The following KIAA0825 variants were observed in gnomAD, a reference collection of about 807,000 sequenced individuals.
The protein encoded by KIAA0825 is uncharacterized protein KIAA0825.
A neutral mutation model predicts 147.6 loss-of-function variants in KIAA0825; 119 were observed. That is an observed-to-expected ratio of 0.81 (90% CI 0.69 to 0.94). The LOEUF (loss-of-function observed/expected upper bound fraction) is 0.94. Among genes scored for constraint, KIAA0825 ranks in the 40% least tolerant of loss-of-function variants. The pLI is 0.00. For missense variants in KIAA0825, 1,381 were observed against 1,472.7 expected, an observed-to-expected ratio of 0.94 and a Z score of 1.02; for synonymous variants, 470 against 518.1, an observed-to-expected ratio of 0.91 and a Z score of 1.26.
chr5:94,438,115 G>T (rs1341580243), intron 14 of KIAA0825, among the ~76,000 whole-genome samples: 1 of 152,140 alleles, frequency 6.6e-6, no homozygotes, highest in Non-Finnish European at 1.5e-5. Context: ...TCCGCTTCAG[G>T]GTTTAATTTG....
chr5:94,324,304 C>T (rs1780475266), intron 20 of KIAA0825, among the ~76,000 whole-genome samples: 1 of 151,926 alleles, frequency 6.6e-6, no homozygotes, highest in African/African-American at 2.4e-5. Flanking sequence ...ATTCTCATCC[C>T]TATTAATTTA....
chr5:94,534,226 G>GT (rs1159224370), intron 3 of KIAA0825, among the ~76,000 whole-genome samples: 1 of 152,172 alleles, frequency 6.6e-6, no homozygotes, highest in Non-Finnish European at 1.5e-5. Flanking sequence ...CTACTGCAGT[G>GT]TAAGTGTGGC....
intron 2 of KIAA0825, among the ~76,000 whole-genome samples, chr5:94,541,756 T>G (rs1168679649): frequency 6.6e-6 from 1 of 152,224 alleles, no homozygotes; most frequent in African/African-American, 2.4e-5. Flanking sequence ...CTGTAAGGTT[T>G]TATTAAGAAT....
At chr5:94,434,859 A>C (rs1562493644) in intron 14 of KIAA0825, among the ~76,000 whole-genome samples, 2 of 152,198 alleles carry the variant, frequency 1.3e-5, no homozygotes, top group South Asian at 2.1e-4. Flanking sequence ...ATCGACTCTT[A>C]AAAGGTTCAA....
intron 3 of KIAA0825, among the ~76,000 whole-genome samples, chr5:94,524,919 C>T (rs925533119): frequency 1.3e-5 from 2 of 151,762 alleles, no homozygotes; most frequent in African/African-American, 4.8e-5. Context: ...ATAACAGATA[C>T]ACTATGTTAT....
chr5:94,388,060 T>G (rs1749405306), intron 18 of KIAA0825, among the ~76,000 whole-genome samples: 1 of 152,132 alleles, frequency 6.6e-6, no homozygotes, highest in African/African-American at 2.4e-5. Flanking sequence ...TGGAAGACAA[T>G]TTTTCCATGG....
At chr5:94,309,458 G>A (rs1270070182) in intron 20 of KIAA0825, among the ~76,000 whole-genome samples, 3 of 151,582 alleles carry the variant, frequency 2.0e-5, no homozygotes, top group Non-Finnish European at 4.4e-5. Flanking sequence ...TGATGAAAAA[G>A]CCAAGCACAC....
Position 94,272,926 on chromosome 5 carries a change from C to G in KIAA0825, c.3710+111442G>C, listed in dbSNP as rs1343504248. ...CTTCTGTCTTGTTTACTTCAGTATC[C>G]TCAGAACATAGCTCAGTGACTAGCA... On this transcript the variant is annotated intron_variant, in intron 20 of 20. Transcript: ENST00000682413. 2.6e-5 allele frequency among the ~76,000 whole-genome samples: 4 copies of G among 152,276 alleles called. No homozygotes were observed. In the South Asian group the frequency reaches 8.3e-4, roughly 32 times the overall value.
In KIAA0825 at chr5:94,386,378, A is replaced by G; in HGVS notation, c.3483T>C (p.Ser1161=). ...NEEYLKEQLF[S]MNSSEEKPLP... ...ATGGCTTTTCCTCTGAACTATTCATAGAAAACAGCTGTTCTTTTAAATATT... is the reference window on the plus strand; with the variant it reads ...ATGGCTTTTCCTCTGAACTATTCATGGAAAACAGCTGTTCTTTTAAATATT... The change falls in exon 19 of 21, where the codon TCT becomes TCC. Residue 1161 remains serine (S), a synonymous_variant. Coordinates refer to ENST00000682413, the MANE Select transcript of KIAA0825 (RefSeq NM_001145678.3). 6.5e-7 allele frequency: 1 copy of G among 1,549,932 alleles called. No homozygotes were observed. The highest frequency in any genetic ancestry group is 8.7e-7 in the Non-Finnish European group (1 of 1,146,402).
chr5:94,605,816 A>C (rs114070232), intron 1 of KIAA0825, among the ~76,000 whole-genome samples: 2,964 of 152,332 alleles, frequency 0.019, 76 homozygotes, highest in African/African-American at 0.058. Flanking sequence ...ATTATACTGA[A>C]TGGGCAAAAG....
At chr5:94,539,907 T>C (rs1273770785) in intron 2 of KIAA0825, among the ~76,000 whole-genome samples, 3 of 152,160 alleles carry the variant, frequency 2.0e-5, no homozygotes, top group Non-Finnish European at 4.4e-5. Context: ...CACTCTTTGC[T>C]GATGGCTATG....
chr5:94,402,190 T>C lies in KIAA0825; in HGVS notation c.2887+1379A>G, dbSNP rs537288629. On this transcript the variant is annotated intron_variant, in intron 16 of 20. Transcript: ENST00000682413. ...GGAAAACTTTAACAACTGGTATCTA[T>C]AAGTAAGCATTTTTTGAAATAAGAG... 8.6e-4 allele frequency among the ~76,000 whole-genome samples: 131 copies of C among 152,304 alleles called. 1 individual carries two copies. Among genetic ancestry groups the C allele is most frequent in the African/African-American group, 2.8e-3 (117 of 41,568 alleles).
At chr5:94,265,093 C>T (rs1022473050) in intron 20 of KIAA0825, among the ~76,000 whole-genome samples, 4 of 151,968 alleles carry the variant, frequency 2.6e-5, no homozygotes, top group East Asian at 3.9e-4. Context: ...CATACACACA[C>T]ATTTTATTCT....
chr5:94,286,434 G>A (rs376124765), intron 20 of KIAA0825, among the ~76,000 whole-genome samples: 7 of 152,058 alleles, frequency 4.6e-5, no homozygotes, highest in Non-Finnish European at 7.4e-5. Flanking sequence ...AGTTTCCTCC[G>A]TTAGACTGTA....
At position 94,378,918 on chromosome 5, in the gene KIAA0825, G is replaced by C. The variant is rs545561083; in HGVS notation, c.3710+5450C>G. ...TGTATGTCTTCTTTGAAAAGTGTCT[G>C]TTTATGTCATTTGCCTACTTTTTAA... On this transcript the variant is annotated intron_variant, in intron 20 of 20. Transcript: ENST00000682413. 2.4e-4 allele frequency among the ~76,000 whole-genome samples: 36 copies of C among 152,076 alleles called. 1 individual carries two copies. Among genetic ancestry groups the C allele is most frequent in the Non-Finnish European group, 4.9e-4 (33 of 67,988 alleles).
At chr5:94,364,527 A>G (rs571239174) in intron 20 of KIAA0825, among the ~76,000 whole-genome samples, 38 of 151,954 alleles carry the variant, frequency 2.5e-4, no homozygotes, top group Non-Finnish European at 4.7e-4. Context: ...GACTACAGGC[A>G]CCTGACACCA....
At chr5:94,238,011 A>C (rs1439335885) in intron 20 of KIAA0825, among the ~76,000 whole-genome samples, 1 of 152,218 alleles carries the variant, frequency 6.6e-6, no homozygotes, top group Non-Finnish European at 1.5e-5. Context: ...GGCACACTTA[A>C]GATTTGTACA....
At chr5:94,482,841 C>T (rs1762640978) in intron 6 of KIAA0825, among the ~76,000 whole-genome samples, 1 of 151,996 alleles carries the variant, frequency 6.6e-6, no homozygotes, top group African/African-American at 2.4e-5. Context: ...ATACTTGCCC[C>T]TTGAAATTCC....
At chr5:94,351,005 G>T (rs569818521) in intron 20 of KIAA0825, among the ~76,000 whole-genome samples, 1 of 151,564 alleles carries the variant, frequency 6.6e-6, no homozygotes, top group South Asian at 2.1e-4. Flanking sequence ...TCCTGCCTCA[G>T]CCTCCTGAAG....
Sources: gnomAD v4.1 joint callset for allele counts (sites outside exome capture counted in the v4.1 genomes callset) on GRCh38, gnomAD v4.1.1 for gene constraint, MANE v1.5 for transcripts, NCBI Gene and HGNC (gene_info 2026-07-23, HGNC 2026-07-21) for gene names.